IQSEC1: variants seen among roughly 807,000 people sequenced by gnomAD.
IQSEC1 encodes IQ motif and Sec7 domain ArfGEF 1, also known as IQ motif and SEC7 domain-containing protein 1.
A neutral mutation model predicts 91.0 loss-of-function variants in IQSEC1; 31 were observed. The ratio of observed to expected loss-of-function variants is 0.34; its 90% confidence interval spans 0.26 to 0.46. The LOEUF is 0.46. Ranked by LOEUF, IQSEC1 falls within the 20% of genes least tolerant of loss-of-function variation. The probability of loss-of-function intolerance (pLI) is 1.00; values close to 1 mark genes in which losing one functional copy is unlikely to be tolerated. For synonymous variants in IQSEC1, 699 were observed against 662.6 expected (o/e 1.05, Z -0.84); for missense variants, 1,388 against 1,575.6 (o/e 0.88, Z 2.02).
intron 3 of IQSEC1, among the ~76,000 whole-genome samples, chr3:12,931,917 C>T (rs991843406): frequency 6.6e-6 from 1 of 152,212 alleles, no homozygotes; most frequent in African/African-American, 2.4e-5. Flanking sequence ...ACTGTCACAC[C>T]AGGTGGCCAC....
chr3:13,080,350 G>A (rs2125127376), intron 2 of IQSEC1, among the ~76,000 whole-genome samples: 1 of 152,176 alleles, frequency 6.6e-6, no homozygotes, highest in Non-Finnish European at 1.5e-5. Context: ...TGGGAGAGGA[G>A]AGATGGGGTG....
chr3:13,247,461 C>A (rs12497592), intron 1 of IQSEC1, among the ~76,000 whole-genome samples: 16 of 152,222 alleles, frequency 1.1e-4, no homozygotes, highest in Admixed American at 7.2e-4. Context: ...TCATCGCCCC[C>A]CTTGGGACAA....
At chr3:12,973,944 C>T (rs901767668) in intron 1 of IQSEC1, among the ~76,000 whole-genome samples, 6 of 152,214 alleles carry the variant, frequency 3.9e-5, no homozygotes, top group African/African-American at 1.2e-4. Context: ...ACCTAAGACC[C>T]GTCGTGGTTT....
intron 1 of IQSEC1, among the ~76,000 whole-genome samples, chr3:13,260,985 G>C (rs1373731164): frequency 6.6e-6 from 1 of 152,186 alleles, no homozygotes; most frequent in Non-Finnish European, 1.5e-5. Context: ...TGGGGACTGG[G>C]GATGGCCAAG....
At chr3:13,167,531 G>A (rs1173853116) in intron 1 of IQSEC1, among the ~76,000 whole-genome samples, 7 of 152,104 alleles carry the variant, frequency 4.6e-5, no homozygotes, top group East Asian at 1.9e-4. Flanking sequence ...ACAGGTGGCC[G>A]AGGAGCTCCC....
At chr3:13,045,039 G>A (rs1246469684) in intron 1 of IQSEC1, among the ~76,000 whole-genome samples, 1 of 152,234 alleles carries the variant, frequency 6.6e-6, no homozygotes, top group Non-Finnish European at 1.5e-5. Flanking sequence ...TGCTGTGAGG[G>A]TTGGGAGTCA....
chr3:13,182,726 A>C lies in IQSEC1; in HGVS notation c.273-18593T>G, dbSNP rs1338592061. Among the ~76,000 whole-genome samples, 3 of 152,272 alleles carry C rather than the reference A, an allele frequency of 2.0e-5. 1 individual carries two copies. The East Asian group carries it at 5.8e-4, about 29-fold the overall frequency. On this transcript the variant is annotated intron_variant, in intron 1 of 15. Transcript: ENST00000648114. ...GGTCAAAGAGGAAATCGCAAGGGAA[A>C]TTCAAAAATATTTTGAATTAAATGA...
chr3:13,261,646 G>C (rs1695389135), intron 1 of IQSEC1, among the ~76,000 whole-genome samples: 1 of 151,654 alleles, frequency 6.6e-6, no homozygotes, highest in Admixed American at 6.6e-5. Flanking sequence ...CCAAGCATCT[G>C]TCCCCTGAGC....
intron 1 of IQSEC1, among the ~76,000 whole-genome samples, chr3:12,956,952 C>G (rs1159569952): frequency 6.6e-6 from 1 of 152,198 alleles, no homozygotes; most frequent in African/African-American, 2.4e-5. Context: ...GTAAATCCCA[C>G]GTGGAGCTGT....
At chr3:12,942,972 G>A (rs1325962517) in intron 1 of IQSEC1, among the ~76,000 whole-genome samples, 1 of 152,264 alleles carries the variant, frequency 6.6e-6, no homozygotes, top group African/African-American at 2.4e-5. Context: ...AGAATTGTGT[G>A]ACAATAAATG....
chr3:13,149,677 C>T (rs1234501535), intron 2 of IQSEC1, among the ~76,000 whole-genome samples: 3 of 152,034 alleles, frequency 2.0e-5, no homozygotes, highest in Non-Finnish European at 4.4e-5. Flanking sequence ...CCCAGACTCC[C>T]CCTCCTGCCT....
chr3:13,053,473 C>T (rs1253820823), intron 1 of IQSEC1, among the ~76,000 whole-genome samples: 3 of 152,230 alleles, frequency 2.0e-5, no homozygotes, highest in African/African-American at 7.2e-5. Context: ...TGGCCAAAGG[C>T]AGCTCTGAGC....
At chr3:12,917,337 A>G (rs1297340319) in intron 6 of IQSEC1, among the ~76,000 whole-genome samples, 1 of 152,176 alleles carries the variant, frequency 6.6e-6, no homozygotes, top group Non-Finnish European at 1.5e-5. Context: ...ACCCTCATCC[A>G]CCATTATAGC....
intron 12 of IQSEC1, among the ~76,000 whole-genome samples, chr3:12,903,275 A>G (rs1288912076): frequency 2.0e-5 from 3 of 152,094 alleles, no homozygotes; most frequent in Admixed American, 6.5e-5. Context: ...ATTGCCATAT[A>G]TATGTGTATA....
At chr3:12,974,313 C>T (rs993620856) in intron 1 of IQSEC1, among the ~76,000 whole-genome samples, 3 of 152,208 alleles carry the variant, frequency 2.0e-5, no homozygotes, top group African/African-American at 4.8e-5. Context: ...TCTAGGTCCT[C>T]GGTGACCAAT....
intron 2 of IQSEC1, among the ~76,000 whole-genome samples, chr3:13,148,452 G>A (rs1278673913): frequency 6.6e-6 from 1 of 152,240 alleles, no homozygotes; most frequent in Non-Finnish European, 1.5e-5. Context: ...CAGGAGTCTT[G>A]AGGGAGGGTC....
intron 6 of IQSEC1, among the ~76,000 whole-genome samples, chr3:12,918,003 G>A (rs1319326698): frequency 1.3e-5 from 2 of 152,128 alleles, no homozygotes; most frequent in African/African-American, 2.4e-5. Flanking sequence ...AGGGGGTGAG[G>A]ATTTCCCTAC....
chr3:13,223,696 C>T (rs1027869418), intron 1 of IQSEC1, among the ~76,000 whole-genome samples: 6 of 152,168 alleles, frequency 3.9e-5, no homozygotes, highest in African/African-American at 9.7e-5. Context: ...GCAGGGACCG[C>T]GGCGTCTGCA....
At chr3:12,991,735 A>G (rs1049746032) in intron 1 of IQSEC1, among the ~76,000 whole-genome samples, 1 of 152,196 alleles carries the variant, frequency 6.6e-6, no homozygotes, top group Non-Finnish European at 1.5e-5. Context: ...CCTTATACCA[A>G]TGGCTGAAAC....
Sources: allele counts gnomAD v4.1 joint callset (sites outside exome capture counted in the v4.1 genomes callset), GRCh38; gene constraint gnomAD v4.1.1; transcripts MANE v1.5; gene names NCBI Gene and HGNC (gene_info 2026-07-23, HGNC 2026-07-21).